The following NBPF20 variants were observed in gnomAD, a reference collection of about 807,000 sequenced individuals.
NBPF20 encodes the protein NBPF family member NBPF20.
A neutral mutation model predicts 68.1 loss-of-function variants in NBPF20; 90 were observed. The observed-to-expected ratio is 1.32, with a 90% CI of 1.11 to 1.58. The LOEUF (loss-of-function observed/expected upper bound fraction) is 1.58. Ranked by LOEUF, NBPF20 falls within the 40% of genes most tolerant of loss-of-function variation. The probability of loss-of-function intolerance (pLI) is 0.00; values close to 1 mark genes in which losing one functional copy is unlikely to be tolerated. For missense variants in NBPF20, 816 were observed against 601.2 expected (o/e 1.36, Z -3.74); for synonymous variants, 290 against 228.1 (o/e 1.27, Z -2.45).
At chr1:145,291,360 C>A in exon 138 of NBPF20, 9 of 1,485,946 alleles carry the variant, frequency 6.1e-6, no homozygotes, top group South Asian at 2.6e-5. Context: ...TGTCTTCAGA[C>A]TGAGCACAGG....
At chr1:145,425,416 G>A in the NBPF20 span, among the ~76,000 whole-genome samples, 277 of 152,244 alleles carry the variant, frequency 1.8e-3, no homozygotes, top group African/African-American at 6.3e-3. Flanking sequence ...CAGCCGCGCC[G>A]CCGCGCCTCG....
At chr1:145,410,774 A>ATGTGTGTG in the NBPF20 span, among the ~76,000 whole-genome samples, 11 of 133,742 alleles carry the variant, frequency 8.2e-5, no homozygotes, top group Non-Finnish European at 1.7e-4. Flanking sequence ...ACGTATATAT[A>ATGTGTGTG]TATATACACA....
chr1:145,292,093 T>A (rs587697765), intron 137 of NBPF20, among the ~76,000 whole-genome samples: 1 of 149,524 alleles, frequency 6.7e-6, no homozygotes, highest in Non-Finnish European at 1.5e-5. Flanking sequence ...ACTGTGATCA[T>A]GAAAAGAGTG....
At chr1:145,393,441 A>C (rs1345307075) in intron 9 of NBPF20, among the ~76,000 whole-genome samples, 195 bp from the exon 15 acceptor site, 1 of 131,710 alleles carries the variant, frequency 7.6e-6, no homozygotes, top group African/African-American at 2.8e-5. Flanking sequence ...AGAGACACAC[A>C]CTCACACACA....
At chr1:145,402,606 A>G (rs1225320207) in intron 3 of NBPF20, among the ~76,000 whole-genome samples, 2 of 151,796 alleles carry the variant, frequency 1.3e-5, no homozygotes, top group Admixed American at 1.3e-4. Context: ...TGTTCCATTC[A>G]TCTTTCCCTT....
In NBPF20 at chr1:145,403,103, C is replaced by G. The variant is rs1438495801; in HGVS notation, c.278+113G>C. The G allele has an allele frequency of 6.0e-5, 69 of 1,153,912 alleles. No individual in the cohort carries two copies. In the African/African-American group the frequency reaches 8.8e-4, roughly 15 times the overall value. The allele number at this position is 1,153,912 out of a possible 1,614,324, so 71.5% of individuals were successfully genotyped here. On this transcript the variant is annotated intron_variant, in intron 3 of 137. Transcript: ENST00000369373. ...TTTATGTGTAGCGAGCCTGCCATGG[C>G]AATTCCTGCCCTTCCCCTGGCCCAG...
chr1:145,405,021 G>C lies in NBPF20; in HGVS notation c.175+77C>G. On this transcript the variant is annotated intron_variant, in intron 2 of 137. Coordinates refer to ENST00000369373, the Ensembl canonical transcript of NBPF20. The stretch of plus-strand genomic sequence containing the variant: ...GTACAAGAAGGATGAAATTATTTTT[G>C]ATGGAGAGAGCATTTAGTGTCTCAG... 3.7e-6 allele frequency: 6 copies of C among 1,601,918 alleles called. No homozygotes were observed. In the South Asian group the frequency reaches 6.6e-5, roughly 18 times the overall value.
chr1:145,398,708 A>T (rs1446561866), intron 7 of NBPF20, among the ~76,000 whole-genome samples: 1 of 151,744 alleles, frequency 6.6e-6, no homozygotes, highest in Non-Finnish European at 1.5e-5. Flanking sequence ...CTAGCAGAAG[A>T]CAAGAAGTAA....
Position 145,402,394 on chromosome 1 carries a change from G to C in NBPF20, c.279-13C>G, listed in dbSNP as rs1261855345. On this transcript the variant is annotated splice_polypyrimidine_tract_variant and intron_variant, in intron 3 of 137. Coordinates refer to ENST00000369373, the Ensembl canonical transcript of NBPF20. ...GACTTTATATTGCCTAAGGTGAGACGGTAGAGAAAATTTAAGAGTGGAAAG... is the reference window on the plus strand; with the variant it reads ...GACTTTATATTGCCTAAGGTGAGACCGTAGAGAAAATTTAAGAGTGGAAAG... 7 of 1,601,324 alleles carry C rather than the reference G, an allele frequency of 4.4e-6. No individual in the cohort carries two copies. The highest frequency in any genetic ancestry group is 6.0e-6 in the Non-Finnish European group (7 of 1,170,412).
At chr1:145,309,519 T>A (rs1388955233) in intron 115 of NBPF20, among the ~76,000 whole-genome samples, 2 of 70,364 alleles carry the variant, frequency 2.8e-5, no homozygotes, top group Non-Finnish European at 5.4e-5. Context: ...ACGAGCTCAG[T>A]GAATTATCCA....
chr1:145,291,919 G>C, intron 137 of NBPF20, 150 bp from the exon 143 acceptor site: 2 of 1,514,738 alleles, frequency 1.3e-6, no homozygotes, highest in South Asian at 1.3e-5. Context: ...TTGCCTATAT[G>C]TTGGGATAGA....
rs1553656994 is a variant in NBPF20, at chr1:145,290,362, T to C, written c.*1164A>G. On this transcript the variant is annotated 3_prime_UTR_variant, in exon 138 of 138. Coordinates refer to ENST00000369373, the Ensembl canonical transcript of NBPF20. ...ACCAGTCCTGATATCATAATGGTGA[T>C]GGACAAACTAGACCTTCTCTGCCCG... 5 of 149,610 alleles carry C rather than the reference T, an allele frequency of 3.3e-5. No individual in the cohort carries two copies. The South Asian group carries it at 8.5e-4, about 25-fold the overall frequency. 9.3% of individuals were successfully genotyped at this position (149,610 alleles called of 1,614,324 possible).
At chr1:145,410,716 G>A in the NBPF20 span, among the ~76,000 whole-genome samples, 1 of 145,534 alleles carries the variant, frequency 6.9e-6, no homozygotes, top group Non-Finnish European at 1.5e-5. Flanking sequence ...GTGTGTGTGT[G>A]TGTGTGTGTG....
chr1:145,424,494 T>G, the NBPF20 span, among the ~76,000 whole-genome samples: 1 of 152,224 alleles, frequency 6.6e-6, no homozygotes, highest in Non-Finnish European at 1.5e-5. Context: ...AGCAGATCTT[T>G]TCTTTAACTT....
At chr1:145,290,326 T>A (rs1244610769) in exon 138 of NBPF20, 13 of 149,350 alleles carry the variant, frequency 8.7e-5, no homozygotes, top group Non-Finnish European at 1.8e-4. Context: ...AGACCCCTCC[T>A]TAACCAAGTA....
At chr1:145,405,150 T>A in exon 2 of NBPF20, 1 of 1,613,724 alleles carries the variant, frequency 6.2e-7, no homozygotes, top group South Asian at 1.1e-5. Flanking sequence ...TTACAAAACA[T>A]CTCTCTTTGA....
At chr1:145,403,665 G>A (rs1406482595) in intron 2 of NBPF20, among the ~76,000 whole-genome samples, 5 of 152,242 alleles carry the variant, frequency 3.3e-5, no homozygotes, top group African/African-American at 1.2e-4. Flanking sequence ...ACTGCACTGG[G>A]GCATGAAGTA....
At chr1:145,291,923 G>A (rs587673586) in intron 137 of NBPF20, among the ~76,000 whole-genome samples, 154 bp from the exon 143 acceptor site, 1 of 151,672 alleles carries the variant, frequency 6.6e-6, no homozygotes, top group Non-Finnish European at 1.5e-5. Flanking sequence ...CTATATGTTG[G>A]GATAGAACAG....
the NBPF20 span, among the ~76,000 whole-genome samples, chr1:145,410,804 G>GTATATATATACGTATATATATATA: frequency 1.4e-5 from 1 of 72,992 alleles, no homozygotes; most frequent in African/African-American, 4.5e-5. Context: ...ATACGTATAT[G>GTATATATATACGTATATATATATA]TATATATATA....
Sources: gnomAD v4.1 joint callset for allele counts (sites outside exome capture counted in the v4.1 genomes callset) on GRCh38, gnomAD v4.1.1 for gene constraint, MANE v1.5 for transcripts, NCBI Gene and HGNC (gene_info 2026-07-23, HGNC 2026-07-21) for gene names.